PECR: variants seen among roughly 807,000 people sequenced by gnomAD.
PECR encodes the protein 2,4-dienoyl-CoA reductase-related protein.
A neutral mutation model predicts 35.3 loss-of-function variants in PECR; 30 were observed. The observed-to-expected ratio is 0.85, with a 90% CI of 0.64 to 1.15. PECR has a LOEUF of 1.15. Among genes scored for constraint, PECR ranks in the 50% most tolerant of loss-of-function variants. The pLI is 0.00. For synonymous variants in PECR, 148 were observed against 138.9 expected (o/e 1.07, Z -0.46); for missense variants, 392 against 370.8 (o/e 1.06, Z -0.47).
chr2:216,039,690 G>A (rs1257130115), intron 7 of PECR, among the ~76,000 whole-genome samples: 1 of 152,164 alleles, frequency 6.6e-6, no homozygotes, highest in Non-Finnish European at 1.5e-5. Flanking sequence ...AATAAATAGT[G>A]TCTCCTTAAT....
intron 7 of PECR, among the ~76,000 whole-genome samples, chr2:216,031,420 G>GA (rs1433788049): frequency 2.0e-5 from 1 of 50,710 alleles, no homozygotes; most frequent in Non-Finnish European, 4.0e-5. Flanking sequence ...AAGAAAGGAA[G>GA]AAAGAAAGAA....
chr2:216,038,223 C>T (rs1297336685), downstream of PECR, among the ~76,000 whole-genome samples: 1 of 152,156 alleles, frequency 6.6e-6, no homozygotes, highest in Non-Finnish European at 1.5e-5. Flanking sequence ...GGCATTTCTT[C>T]AATAAGGGTC....
In PECR at chr2:216,042,543, C is replaced by T. The variant is rs139694613; in HGVS notation, c.826+1361G>A. The stretch of plus-strand genomic sequence containing the variant: ...AATTCAATACATTTGCATTTTATAC[C>T]CTTTACTACATTTTTGGAGTGATTT... On this transcript the variant is annotated intron_variant, in intron 7 of 7. Coordinates refer to ENST00000265322, the MANE Select transcript of PECR (RefSeq NM_018441.6). Among the ~76,000 whole-genome samples, 39 of 152,036 alleles carry T rather than the reference C, an allele frequency of 2.6e-4. No individual in the cohort carries two copies. In the East Asian group the frequency reaches 7.3e-3, roughly 29 times the overall value.
At position 216,043,992 on chromosome 2, in the gene PECR, T is replaced by G; in HGVS notation, c.738A>C (p.Leu246=). Residue 246 remains leucine, a synonymous_variant, in exon 7 of 8, where the codon CTA becomes CTC. Coordinates refer to ENST00000265322, the MANE Select transcript of PECR (RefSeq NM_018441.6). Reference sequence around the variant, plus strand: ...TGATGAAGGAAGCTGCAGGAGACAGTAGGAAGCAGACCACAGAGGAGACCT... The same window carrying G: ...TGATGAAGGAAGCTGCAGGAGACAGGAGGAAGCAGACCACAGAGGAGACCT... ...PEEVSSVVCF[L]LSPAASFITG... is the part of the protein sequence containing the mutation. 6.2e-7 allele frequency: 1 copy of G among 1,609,800 alleles called. No individual in the cohort carries two copies. The highest frequency in any genetic ancestry group is 8.5e-7 in the Non-Finnish European group (1 of 1,176,260).
rs190770435 is a variant in PECR at position 216,043,937 on chromosome 2, G to A, written c.793C>T (p.Arg265Trp). 2.5e-5 allele frequency: 40 copies of A among 1,610,020 alleles called. No homozygotes were observed. Among genetic ancestry groups the A allele is most frequent in the African/African-American group, 4.0e-5 (3 of 74,932 alleles). The part of the protein sequence containing the change: ...TGQSVDVDGG[R>W]SLYTHSYEVP... The stretch of plus-strand genomic sequence containing the variant: ...TCATACGAGTGAGTATAGAGACTCC[G>A]GCCCCCATCCACATCCACCGACTGT... The change falls in exon 7 of 8, where the codon CGG becomes TGG. Residue 265 changes from arginine to tryptophan, a missense_variant. Coordinates refer to ENST00000265322, the MANE Select transcript of PECR (RefSeq NM_018441.6).
At chr2:216,042,704 C>A (rs79370907) in intron 7 of PECR, among the ~76,000 whole-genome samples, 2,390 of 152,196 alleles carry the variant, frequency 0.016, 34 homozygotes, top group Non-Finnish European at 0.022. Flanking sequence ...GAGACACACA[C>A]ACACATAAAG....
Position 216,081,774 on chromosome 2 carries a change from A to T in PECR, c.-33T>A, listed in dbSNP as rs1695860291. ...GCGGGGTGCCAGAGCAGCTGAGCGC[A>T]GGCCCTTCTGGGTCTCAGGGACATT... is the stretch of plus-strand genomic sequence containing the variant. On this transcript the variant is annotated 5_prime_UTR_variant, in exon 1 of 8. Coordinates refer to ENST00000265322, the MANE Select transcript of PECR (RefSeq NM_018441.6). 1 of 1,609,476 alleles carries T rather than the reference A, an allele frequency of 6.2e-7. No individual in the cohort carries two copies. The highest frequency in any genetic ancestry group is 1.7e-4 in the Middle Eastern group (1 of 5,822).
At chr2:216,056,017 C>T (rs975180467) in intron 4 of PECR, among the ~76,000 whole-genome samples, 6 of 152,152 alleles carry the variant, frequency 3.9e-5, no homozygotes, top group African/African-American at 1.4e-4. Flanking sequence ...CTCCTCTGTG[C>T]TCCTTTTATC....
intron 1 of PECR, among the ~76,000 whole-genome samples, chr2:216,073,309 T>C (rs552821553): frequency 1.3e-5 from 2 of 152,368 alleles, no homozygotes; most frequent in South Asian, 2.1e-4. Flanking sequence ...ACCACATGTA[T>C]GGCAGTGGCC....
chr2:216,061,783 A>T (rs1359631061), intron 3 of PECR, among the ~76,000 whole-genome samples: 1 of 152,188 alleles, frequency 6.6e-6, no homozygotes, highest in Non-Finnish European at 1.5e-5. Flanking sequence ...GAAAACAATT[A>T]GGGAAATTTC....
intron 7 of PECR, among the ~76,000 whole-genome samples, chr2:216,039,810 T>C (rs1694856181): frequency 6.6e-6 from 1 of 152,190 alleles, no homozygotes; most frequent in Admixed American, 6.5e-5. Flanking sequence ...CATTTAACGA[T>C]CTAGAAGGTG....
intron 3 of PECR, among the ~76,000 whole-genome samples, chr2:216,060,489 C>CT (rs1393716303): frequency 6.6e-6 from 1 of 152,122 alleles, no homozygotes; most frequent in Non-Finnish European, 1.5e-5. Context: ...GAGAAAAACT[C>CT]TGTCTCTATG....
chr2:216,050,919 C>T (rs1346795545), intron 5 of PECR: 2 of 147,266 alleles, frequency 1.4e-5, no homozygotes, highest in Non-Finnish European at 3.0e-5. Flanking sequence ...AAAAAAAAGC[C>T]AGAATCAAGA....
At position 216,080,501 on chromosome 2, in the gene PECR, T is replaced by C. The variant is rs1274395885; in HGVS notation, c.124+1117A>G. 5.3e-5 allele frequency among the ~76,000 whole-genome samples: 8 copies of C among 152,326 alleles called. No individual in the cohort carries two copies. In the East Asian group the frequency reaches 1.5e-3, roughly 29 times the overall value. ...TCAAGACTACATCCTTGCATGAAAA[T>C]CTTTGCTTGACTCCGTTTCCTTAAA... is the stretch of plus-strand genomic sequence containing the variant. On this transcript the variant is annotated intron_variant, in intron 1 of 7. Transcript: ENST00000265322.
chr2:216,035,137 C>A (rs114473014), downstream of PECR, among the ~76,000 whole-genome samples: 428 of 152,302 alleles, frequency 2.8e-3, no homozygotes, highest in African/African-American at 9.4e-3. Context: ...GGATCTGGGT[C>A]CTCTAAGTTG....
chr2:216,078,986 C>T (rs565326067), intron 1 of PECR, among the ~76,000 whole-genome samples: 51 of 152,230 alleles, frequency 3.4e-4, no homozygotes, highest in African/African-American at 1.1e-3. Context: ...GACTAGGGTC[C>T]TACGAATCTG....
At chr2:216,031,688 A>AG (rs749161289) in intron 7 of PECR, among the ~76,000 whole-genome samples, 1 of 46,242 alleles carries the variant, frequency 2.2e-5, no homozygotes, top group African/African-American at 1.0e-4. Context: ...AGAAAGAAAG[A>AG]AAGAGAAAGA....
chr2:216,053,484 T>C (rs537882754), intron 4 of PECR, among the ~76,000 whole-genome samples: 1 of 152,236 alleles, frequency 6.6e-6, no homozygotes, highest in East Asian at 1.9e-4. Flanking sequence ...GACCTCGTGA[T>C]CTGCCTGCCT....
intron 6 of PECR, among the ~76,000 whole-genome samples, chr2:216,047,866 T>C (rs1157023792): frequency 6.6e-6 from 1 of 152,140 alleles, no homozygotes; most frequent in East Asian, 1.9e-4. Context: ...CAAGGAATAT[T>C]ATATGCCCCT....
Sources: allele counts gnomAD v4.1 joint callset (sites outside exome capture counted in the v4.1 genomes callset), GRCh38; gene constraint gnomAD v4.1.1; transcripts MANE v1.5; gene names NCBI Gene and HGNC (gene_info 2026-07-23, HGNC 2026-07-21).